The following PDE4B variants were observed in gnomAD, a reference collection of about 807,000 sequenced individuals.
PDE4B encodes 3',5'-cyclic-AMP phosphodiesterase 4B.
Under a neutral mutation model 82.2 loss-of-function variants are expected in PDE4B, and 20 were observed. The ratio of observed to expected loss-of-function variants is 0.24; its 90% CI spans 0.17 to 0.35. PDE4B has a LOEUF of 0.35. Ranked by LOEUF, PDE4B falls within the 10% of genes least tolerant of loss-of-function variation. PDE4B has a pLI of 1.00. For synonymous variants in PDE4B, 320 were observed against 318.9 expected, an observed-to-expected ratio of 1.00 and a Z score of -0.04; for missense variants, 655 against 907.2, an observed-to-expected ratio of 0.72 and a Z score of 3.57.
intron 1 of PDE4B, among the ~76,000 whole-genome samples, chr1:65,912,188 C>T (rs1647100245): frequency 1.3e-5 from 2 of 152,082 alleles, no homozygotes; most frequent in Admixed American, 1.3e-4. Flanking sequence ...ATTCTGCAAA[C>T]ACCGAATTCT....
At chr1:66,305,576 G>T (rs996844815) in intron 7 of PDE4B, among the ~76,000 whole-genome samples, 2 of 152,080 alleles carry the variant, frequency 1.3e-5, no homozygotes, top group Non-Finnish European at 1.5e-5. Flanking sequence ...ATAGGAAAAA[G>T]GTGGACCAGG....
At chr1:65,898,559 C>T (rs1216523107) in intron 1 of PDE4B, among the ~76,000 whole-genome samples, 1 of 152,092 alleles carries the variant, frequency 6.6e-6, no homozygotes, top group Non-Finnish European at 1.5e-5. Context: ...TACCTGATTT[C>T]AAACTATACT....
At chr1:66,043,288 A>G (rs1383480273) in intron 3 of PDE4B, among the ~76,000 whole-genome samples, 2 of 151,804 alleles carry the variant, frequency 1.3e-5, no homozygotes, top group Non-Finnish European at 2.9e-5. Context: ...AACTAATTGG[A>G]TTTGCTTCAC....
intron 7 of PDE4B, among the ~76,000 whole-genome samples, chr1:66,329,028 G>A (rs1029751823): frequency 2.0e-5 from 3 of 152,140 alleles, no homozygotes; most frequent in East Asian, 1.9e-4. Context: ...TACCTAATTC[G>A]ACTTCCCCAG....
chr1:66,068,701 G>A (rs1271050586), intron 3 of PDE4B, among the ~76,000 whole-genome samples: 1 of 151,738 alleles, frequency 6.6e-6, no homozygotes, highest in African/African-American at 2.4e-5. Context: ...TTTTATATAA[G>A]GCCATTACAA....
intron 3 of PDE4B, among the ~76,000 whole-genome samples, chr1:66,069,395 C>A (rs11803898): frequency 3.8e-4 from 58 of 152,148 alleles, no homozygotes; most frequent in African/African-American, 1.4e-3. Context: ...CAAAGCAAAT[C>A]TCAAATTGTC....
intron 3 of PDE4B, among the ~76,000 whole-genome samples, chr1:66,200,232 T>G (rs1234284259): frequency 1.3e-5 from 2 of 152,224 alleles, no homozygotes; most frequent in African/African-American, 4.8e-5. Flanking sequence ...AGTACCATGC[T>G]GTTTTGGTTA....
chr1:66,282,096 A>G (rs999324202), intron 7 of PDE4B, among the ~76,000 whole-genome samples: 1 of 152,216 alleles, frequency 6.6e-6, no homozygotes, highest in Admixed American at 6.5e-5. Context: ...TGGTGTTTAC[A>G]TCTGTGGTTC....
chr1:66,223,803 C>G (rs1651201770), intron 3 of PDE4B, among the ~76,000 whole-genome samples: 1 of 152,146 alleles, frequency 6.6e-6, no homozygotes, highest in South Asian at 2.1e-4. Context: ...TGCATGCCAT[C>G]AGACTATACA....
intron 3 of PDE4B, among the ~76,000 whole-genome samples, chr1:65,919,121 ACT>A (rs573845492): frequency 8.5e-5 from 13 of 152,326 alleles, no homozygotes; most frequent in Admixed American, 2.6e-4. Context: ...TTATGATCTA[ACT>A]TTTTTAAAAA....
chr1:66,238,491 G>C (rs1392007830), intron 3 of PDE4B, among the ~76,000 whole-genome samples: 1 of 152,146 alleles, frequency 6.6e-6, no homozygotes, highest in Admixed American at 6.5e-5. Context: ...GGGTGGAGTT[G>C]GGCACAGTGG....
intron 7 of PDE4B, among the ~76,000 whole-genome samples, chr1:66,279,407 T>A (rs1656122783): frequency 6.6e-6 from 1 of 152,130 alleles, no homozygotes; most frequent in East Asian, 1.9e-4. Flanking sequence ...ATACATTACT[T>A]GAGGCCAGGA....
chr1:66,238,850 A>G (rs935017891), intron 3 of PDE4B, among the ~76,000 whole-genome samples: 6 of 152,228 alleles, frequency 3.9e-5, no homozygotes, highest in African/African-American at 1.4e-4. Context: ...AATTTAATTC[A>G]TTATGTCAGT....
chr1:66,286,426 T>TG (rs751454811), intron 7 of PDE4B, among the ~76,000 whole-genome samples: 1 of 152,134 alleles, frequency 6.6e-6, no homozygotes, highest in Non-Finnish European at 1.5e-5. Context: ...GGTGATTTAA[T>TG]GGGGTTTTTC....
chr1:65,872,915 G>A (rs1449820692), intron 1 of PDE4B, among the ~76,000 whole-genome samples: 1 of 152,138 alleles, frequency 6.6e-6, no homozygotes, highest in Non-Finnish European at 1.5e-5. Context: ...AGGATTTTGA[G>A]ATTAATGATT....
intron 3 of PDE4B, among the ~76,000 whole-genome samples, chr1:66,159,938 G>T (rs1646577705): frequency 6.6e-6 from 1 of 152,118 alleles, no homozygotes; most frequent in Non-Finnish European, 1.5e-5. Context: ...TTATAGTTTT[G>T]TCAATCTGGA....
chr1:65,955,658 C>T (rs1337043979), intron 3 of PDE4B, among the ~76,000 whole-genome samples: 2 of 152,100 alleles, frequency 1.3e-5, no homozygotes, highest in Non-Finnish European at 2.9e-5. Context: ...GTTATCCTTT[C>T]TCTGGTTTAT....
intron 3 of PDE4B, chr1:66,046,146 A>G (rs1273501015): frequency 2.0e-5 from 3 of 151,868 alleles, no homozygotes; most frequent in African/African-American, 7.2e-5. Flanking sequence ...GATTGGGTCC[A>G]TAGCGATAGA....
chr1:66,174,437 A>T, intron 3 of PDE4B, among the ~76,000 whole-genome samples: 1 of 152,132 alleles, frequency 6.6e-6, no homozygotes, highest in East Asian at 1.9e-4. Context: ...GTTGCCTACT[A>T]TATTCATCCA....
Sources: allele counts gnomAD v4.1 joint callset (sites outside exome capture counted in the v4.1 genomes callset), GRCh38; gene constraint gnomAD v4.1.1; transcripts MANE v1.5; gene names NCBI Gene and HGNC (gene_info 2026-07-23, HGNC 2026-07-21).